Variants in ELAVL1 observed in about 807,000 individuals in gnomAD.
ELAVL1 encodes ELAV-like protein 1.
In ELAVL1, 1 loss-of-function variant was observed where a neutral mutation model predicts 28.4. The ratio of observed to expected loss-of-function variants is 0.04; its 90% CI spans 0.01 to 0.17. ELAVL1 has a LOEUF of 0.17. Among genes scored for constraint, ELAVL1 ranks in the 10% least tolerant of loss-of-function variants. The probability of loss-of-function intolerance (pLI) is 1.00; values close to 1 mark genes in which losing one functional copy is unlikely to be tolerated. For synonymous variants in ELAVL1, 174 were observed against 183.5 expected, an observed-to-expected ratio of 0.95 and a Z score of 0.42; for missense variants, 157 against 447.2, an observed-to-expected ratio of 0.35 and a Z score of 5.85.
chr19:8,003,375 GAAA>G (rs2081075376), intron 1 of ELAVL1, among the ~76,000 whole-genome samples: 1 of 59,898 alleles, frequency 1.7e-5, no homozygotes, highest in Non-Finnish European at 3.4e-5. Context: ...AAAAAAAAAA[GAAA>G]AAGAAAAAAA....
chr19:8,001,863 G>A (rs938193337), intron 1 of ELAVL1, among the ~76,000 whole-genome samples: 8 of 152,102 alleles, frequency 5.3e-5, no homozygotes, highest in African/African-American at 1.9e-4. Context: ...CCACGTGCCA[G>A]GCACAGAGCA....
At chr19:7,998,320 C>G (rs1339990439) in intron 1 of ELAVL1, among the ~76,000 whole-genome samples, 1 of 152,228 alleles carries the variant, frequency 6.6e-6, no homozygotes, top group Non-Finnish European at 1.5e-5. Flanking sequence ...GCAAGGCCTG[C>G]ACTGTCCTGC....
At position 7,991,522 on chromosome 19, in the gene ELAVL1, C is replaced by T. The variant is rs1011840153; in HGVS notation, c.172+122G>A. On this transcript the variant is annotated intron_variant, in intron 2 of 5. Transcript: ENST00000407627. ...TTGAAATAAAAATGAAACTTCACAG[C>T]CATCGTTTCAAGGCTGTAGTTATCC... is the stretch of plus-strand genomic sequence containing the variant. 8 of 967,022 alleles carry T rather than the reference C, an allele frequency of 8.3e-6. No homozygotes were observed. In the African/African-American group the frequency reaches 1.0e-4, roughly 12 times the overall value. The allele number at this position is 967,022 out of a possible 1,614,324, so 59.9% of individuals were successfully genotyped here.
At chr19:7,965,078 C>T (rs1484297413) in intron 5 of ELAVL1, among the ~76,000 whole-genome samples, 1 of 152,242 alleles carries the variant, frequency 6.6e-6, no homozygotes, top group Non-Finnish European at 1.5e-5. Flanking sequence ...TGGGGCAGCT[C>T]ACTAGCCCAA....
At chr19:7,968,415 G>A (rs1164009596) in intron 4 of ELAVL1, among the ~76,000 whole-genome samples, 1 of 152,214 alleles carries the variant, frequency 6.6e-6, no homozygotes, top group African/African-American at 2.4e-5. Context: ...CCTGTCTTGG[G>A]ATACTCCACT....
At chr19:7,994,590 G>A (rs1985831190) in intron 1 of ELAVL1, among the ~76,000 whole-genome samples, 1 of 152,184 alleles carries the variant, frequency 6.6e-6, no homozygotes, top group African/African-American at 2.4e-5. Flanking sequence ...GAACAATGAG[G>A]AAAATGCAAA....
chr19:7,972,800 C>A (rs1415168834), intron 4 of ELAVL1: 1 of 42,050 alleles, frequency 2.4e-5, no homozygotes, highest in Non-Finnish European at 4.2e-5. Flanking sequence ...CTGCAGTATC[C>A]TTTTTTTTTT....
chr19:7,964,892 A>G (rs1984913367), intron 5 of ELAVL1, among the ~76,000 whole-genome samples: 1 of 152,220 alleles, frequency 6.6e-6, no homozygotes. Context: ...GGCATCTGTG[A>G]AGCTGCGTGA....
chr19:7,981,738 A>G lies in ELAVL1; in HGVS notation c.173-552T>C, dbSNP rs1346687250. ...TTACAAAGGAGTATTTTTTAAAAAT[A>G]CTGTGCTACGGACAGCATCTTTCTG... On this transcript the variant is annotated intron_variant, in intron 2 of 5. Coordinates refer to ENST00000407627, the MANE Select transcript of ELAVL1 (RefSeq NM_001419.3). This position sits in a 1 kb window ranked among gnomAD's most constrained non-coding sequence, Gnocchi z 4.2. 6.6e-6 allele frequency among the ~76,000 whole-genome samples: 1 copy of G among 152,194 alleles called. No homozygotes were observed. Among genetic ancestry groups the G allele is most frequent in the Non-Finnish European group, 1.5e-5 (1 of 68,046 alleles).
Position 7,979,497 on chromosome 19 carries a change from A to T in ELAVL1, c.276+1586T>A, listed in dbSNP as rs1599670831. 6.6e-6 allele frequency among the ~76,000 whole-genome samples: 1 copy of T among 152,186 alleles called. No individual in the cohort carries two copies. The highest frequency in any genetic ancestry group is 1.5e-5 in the Non-Finnish European group (1 of 68,034). ...GGAATAATCAAGCGTTCTGCTCCAC[A>T]CCTCAGCCTGGCTGCCTCAGAAACA... is the stretch of plus-strand genomic sequence containing the variant. On this transcript the variant is annotated intron_variant, in intron 3 of 5. Coordinates refer to ENST00000407627, the MANE Select transcript of ELAVL1 (RefSeq NM_001419.3). This position sits in a 1 kb window ranked among gnomAD's most constrained non-coding sequence, Gnocchi z 5.4.
chr19:7,992,335 C>T (rs1985774596), intron 1 of ELAVL1, among the ~76,000 whole-genome samples: 1 of 152,160 alleles, frequency 6.6e-6, no homozygotes. Context: ...TCATAATTGC[C>T]AAAACCTGGA....
Position 7,973,704 on chromosome 19 carries a change from C to A in ELAVL1, c.430+21G>T, listed in dbSNP as rs199775190. The A allele has an allele frequency of 3.8e-5, 61 of 1,607,982 alleles. No homozygotes were observed. The African/African-American group carries it at 6.9e-4, about 18-fold the overall frequency. ...CCACCTAGAGAACACCCTCCCCACG[C>A]GTCTGGGGCCCCTCTGGTACCTGTA... On this transcript the variant is annotated intron_variant, in intron 4 of 5. Coordinates refer to ENST00000407627, the MANE Select transcript of ELAVL1 (RefSeq NM_001419.3).
In ELAVL1 at chr19:7,960,227, A is replaced by G. The variant is rs1026029122; in HGVS notation, c.*3256T>C. On this transcript the variant is annotated 3_prime_UTR_variant, in exon 6 of 6. Coordinates refer to ENST00000407627, the MANE Select transcript of ELAVL1 (RefSeq NM_001419.3). ...CTCCAAAGGGCCGGTCTTGGCTCCC[A>G]ACAGCAGCACGGTTCAGTCCCTGGA... The G allele has an allele frequency of 6.6e-6, 1 of 152,212 alleles. No individual in the cohort carries two copies. The highest frequency in any genetic ancestry group is 1.5e-5 in the Non-Finnish European group (1 of 68,064). The allele number at this position is 152,212 out of a possible 1,614,324, so 9.4% of individuals were successfully genotyped here.
At chr19:8,002,865 C>T (rs989811613) in intron 1 of ELAVL1, among the ~76,000 whole-genome samples, 1 of 152,008 alleles carries the variant, frequency 6.6e-6, no homozygotes, top group Non-Finnish European at 1.5e-5. Flanking sequence ...AACTGGCACT[C>T]CAAACTAAGG....
rs77312432 is a variant in ELAVL1 at position 7,961,047 on chromosome 19, C to T, written c.*2436G>A. On this transcript the variant is annotated 3_prime_UTR_variant, in exon 6 of 6. Transcript: ENST00000407627. Reference sequence around the variant, plus strand: ...CTGTTCAAACAGCGGAGACCACATACAATGAGAATGTTCCTGAACTGAGAA... The same window carrying T: ...CTGTTCAAACAGCGGAGACCACATATAATGAGAATGTTCCTGAACTGAGAA... 0.15 allele frequency: 22,532 copies of T among 152,284 alleles called. 2,238 individuals carry two copies. Among genetic ancestry groups the T allele is most frequent in the Non-Finnish European group, 0.22 (15,117 of 68,004 alleles). 9.4% of individuals were successfully genotyped at this position (152,284 alleles called of 1,614,324 possible).
At chr19:7,976,840 A>ATT (rs764204939) in intron 3 of ELAVL1, among the ~76,000 whole-genome samples, 280 of 132,952 alleles carry the variant, frequency 2.1e-3, no homozygotes, top group African/African-American at 7.3e-3. Flanking sequence ...GACACGCTAC[A>ATT]TTTTTTTTTT....
At chr19:8,000,678 C>T (rs2081064794) in intron 1 of ELAVL1, among the ~76,000 whole-genome samples, 1 of 152,246 alleles carries the variant, frequency 6.6e-6, no homozygotes, top group Non-Finnish European at 1.5e-5. Context: ...ACCACCTGAC[C>T]CAGTTATAAA....
chr19:7,991,932 C>CTTTTTTTTTTTTTT (rs398033838), intron 1 of ELAVL1, 101 bp from the exon 2 acceptor site: 1 of 621,600 alleles, frequency 1.6e-6, no homozygotes, highest in African/African-American at 2.1e-5. Flanking sequence ...TTCTTTCTTT[C>CTTTTTTTTTTTTTT]TTTTTTTTTT....
chr19:7,973,253 C>T lies in ELAVL1; in HGVS notation c.430+472G>A, dbSNP rs191920299. 87 of 164,634 alleles carry T rather than the reference C, an allele frequency of 5.3e-4. 1 individual carries two copies. The East Asian group carries it at 0.012, about 22-fold the overall frequency. The allele number at this position is 164,634 out of a possible 1,614,324, so 10.2% of individuals were successfully genotyped here. A position where few individuals can be genotyped will look rare whatever the true frequency, so the allele number is the denominator to read the frequency against. ...GCTTTTTTTTTTTTTTTTTTTAAGA[C>T]GGAGTCTCGCTCTGTCACCCACGCT... On this transcript the variant is annotated intron_variant, in intron 4 of 5. Coordinates refer to ENST00000407627, the MANE Select transcript of ELAVL1 (RefSeq NM_001419.3).
Sources: gnomAD v4.1 joint callset for allele counts (sites outside exome capture counted in the v4.1 genomes callset) on GRCh38, gnomAD v4.1.1 for gene constraint, Gnocchi (gnomAD v3.1) non-coding constraint, MANE v1.5 for transcripts, NCBI Gene and HGNC (gene_info 2026-07-23, HGNC 2026-07-21) for gene names.